The following MEIOC variants were observed in gnomAD, a reference collection of about 807,000 sequenced individuals.
MEIOC encodes meiosis specific with coiled-coil domain.
A neutral mutation model predicts 85.3 loss-of-function variants in MEIOC; 9 were observed. The observed-to-expected ratio is 0.11, with a 90% CI of 0.06 to 0.18. The LOEUF (loss-of-function observed/expected upper bound fraction) is 0.18, where lower values mean the gene tolerates loss of function less well. MEIOC is among the 10% of genes least tolerant of loss of function. MEIOC has a pLI of 1.00. For synonymous variants in MEIOC, 365 were observed against 393.7 expected (o/e 0.93, Z 0.86); for missense variants, 898 against 1,129.4 (o/e 0.80, Z 2.94).
At chr17:44,662,039 G>A (rs1434259360) in intron 2 of MEIOC, among the ~76,000 whole-genome samples, 1 of 152,142 alleles carries the variant, frequency 6.6e-6, no homozygotes, top group Non-Finnish European at 1.5e-5. Context: ...AAACCCATTT[G>A]TTTATTGTCT....
At chr17:44,659,506 A>G (rs1971816797) in intron 2 of MEIOC, among the ~76,000 whole-genome samples, 1 of 152,256 alleles carries the variant, frequency 6.6e-6, no homozygotes, top group South Asian at 2.1e-4. Flanking sequence ...TATTTCAAGT[A>G]TGATTGTTTG....
In MEIOC at chr17:44,656,512, G is replaced by A; in HGVS notation, c.-102G>A. The A allele has an allele frequency of 2.0e-6, 2 of 1,002,670 alleles. No individual in the cohort carries two copies. The highest frequency in any genetic ancestry group is 5.4e-5 in the South Asian group (2 of 37,120). The allele number at this position is 1,002,670 out of a possible 1,614,324, so 62.1% of individuals were successfully genotyped here. A position where few individuals can be genotyped will look rare whatever the true frequency, so the allele number is the denominator to read the frequency against. Reference sequence around the variant, plus strand: ...CCCGGGCGGCGGAGGCGGCTGCGGAGACGGCGGGGTGCGGGCTGAGGGAGC... The same window carrying A: ...CCCGGGCGGCGGAGGCGGCTGCGGAAACGGCGGGGTGCGGGCTGAGGGAGC... On this transcript the variant is annotated 5_prime_UTR_variant, in exon 1 of 8. Coordinates refer to ENST00000409122, the MANE Select transcript of MEIOC (RefSeq NM_001145080.3).
intron 2 of MEIOC, among the ~76,000 whole-genome samples, chr17:44,657,899 T>G (rs1327568483): frequency 6.6e-6 from 1 of 151,982 alleles, no homozygotes; most frequent in Non-Finnish European, 1.5e-5. Flanking sequence ...TTGCCCAGGC[T>G]GGAGTGCAGT....
chr17:44,665,811 A>C (rs1379160771), intron 4 of MEIOC, among the ~76,000 whole-genome samples: 5 of 152,178 alleles, frequency 3.3e-5, no homozygotes. Flanking sequence ...CAAAGAATAA[A>C]ACTCATTACT....
intron 2 of MEIOC, among the ~76,000 whole-genome samples, chr17:44,658,514 G>A (rs1971799724): frequency 6.6e-6 from 1 of 151,388 alleles, no homozygotes; most frequent in African/African-American, 2.4e-5. Flanking sequence ...TAAGTTAAGG[G>A]CCGGGCGCCA....
Position 44,674,280 on chromosome 17 carries a change from T to G in MEIOC, c.*84T>G. 2 of 1,459,104 alleles carry G rather than the reference T, an allele frequency of 1.4e-6. No individual in the cohort carries two copies. Among genetic ancestry groups the G allele is most frequent in the Admixed American group, 5.2e-5 (2 of 38,160 alleles). The allele number at this position is 1,459,104 out of a possible 1,614,324, so 90.4% of individuals were successfully genotyped here. A position where few individuals can be genotyped will look rare whatever the true frequency, so the allele number is the denominator to read the frequency against. ...ATGTTTTAATGAACTTGTCAAACTTTCAGTATGTTTTCTTTCAGATTTAAA... is the reference window on the plus strand; with the variant it reads ...ATGTTTTAATGAACTTGTCAAACTTGCAGTATGTTTTCTTTCAGATTTAAA... On this transcript the variant is annotated 3_prime_UTR_variant, in exon 8 of 8. Transcript: ENST00000409122.
At position 44,667,424 on chromosome 17, in the gene MEIOC, A is replaced by G. The variant is rs766033557; in HGVS notation, c.1513A>G (p.Ser505Gly). 6.2e-7 allele frequency: 1 copy of G among 1,613,822 alleles called. No individual in the cohort carries two copies. The highest frequency in any genetic ancestry group is 1.7e-5 in the Admixed American group (1 of 59,998). ...GNLMKLNSHL[S>G]AASKGSNHSS... Reference sequence around the variant, plus strand: ...CTTGATGAAATTAAATAGTCATTTAAGTGCAGCTTCAAAAGGTTCTAACCA... The same window carrying G: ...CTTGATGAAATTAAATAGTCATTTAGGTGCAGCTTCAAAAGGTTCTAACCA... The change falls in exon 5 of 8, where the codon AGT (serine) becomes GGT (glycine). Residue 505 changes from serine to glycine, a missense_variant. Ser to Gly is a moderately conservative substitution (Grantham distance 56). Around this residue, in one of 2 missense-constraint regions of MEIOC, gnomAD observed 734 missense variants for 860.1 expected, o/e 0.85. Coordinates refer to ENST00000409122, the MANE Select transcript of MEIOC (RefSeq NM_001145080.3).
At chr17:44,656,711 G>A (rs1971761050) in intron 1 of MEIOC, 29 bp downstream of exon 1, 1 of 1,473,950 alleles carries the variant, frequency 6.8e-7, no homozygotes, top group Non-Finnish European at 9.0e-7. Context: ...CAGGGTCCAG[G>A]GGGCGGCCAG....
intron 6 of MEIOC, among the ~76,000 whole-genome samples, chr17:44,672,004 G>A (rs1972019989): frequency 6.6e-6 from 1 of 152,012 alleles, no homozygotes; most frequent in Non-Finnish European, 1.5e-5. Context: ...CACCTGTGCA[G>A]ACTTTTCTCT....
intron 7 of MEIOC, 47 bp downstream of exon 7, chr17:44,673,593 T>C (rs1972038735): frequency 1.4e-6 from 2 of 1,387,576 alleles, no homozygotes; most frequent in Admixed American, 5.6e-5. Flanking sequence ...TGTGATAATT[T>C]AGGTATTGAT....
intron 3 of MEIOC, 75 bp downstream of exon 3, chr17:44,662,546 T>G (rs1385502948): frequency 9.6e-7 from 1 of 1,045,378 alleles, no homozygotes; most frequent in Non-Finnish European, 1.4e-6. Flanking sequence ...TTATTTGCTC[T>G]CTGTTCCCTA....
In MEIOC at chr17:44,667,557, G is replaced by A; in HGVS notation, c.1646G>A (p.Ser549Asn). The A allele has an allele frequency of 8.1e-6, 13 of 1,613,828 alleles. No homozygotes were observed. Among genetic ancestry groups the A allele is most frequent in the Non-Finnish European group, 1.1e-5 (13 of 1,179,848 alleles). ...NPSAFSSFDF[S>N]YSGAERIQSV... ...TCAGCATTTTCTAGTTTTGATTTTA[G>A]TTACAGTGGTGCAGAAAGAATCCAA... The change falls in exon 5 of 8, where the codon AGT becomes AAT. Residue 549 changes from serine (S) to asparagine (N), a missense_variant. Ser to Asn is a conservative substitution (Grantham distance 46). Coordinates refer to ENST00000409122, the MANE Select transcript of MEIOC (RefSeq NM_001145080.3).
downstream of MEIOC, among the ~76,000 whole-genome samples, chr17:44,676,555 G>A (rs1429351789): frequency 6.6e-6 from 1 of 152,120 alleles, no homozygotes; most frequent in Non-Finnish European, 1.5e-5. Flanking sequence ...GGTGCCGGTG[G>A]ATCACGCCTG....
intron 6 of MEIOC, among the ~76,000 whole-genome samples, chr17:44,672,029 G>A (rs972707859): frequency 7.2e-5 from 11 of 151,798 alleles, no homozygotes; most frequent in Admixed American, 6.6e-5. Context: ...TTGAGATGGA[G>A]TCTCACTCTG....
At chr17:44,659,145 C>A (rs1231816072) in intron 2 of MEIOC, among the ~76,000 whole-genome samples, 1 of 152,002 alleles carries the variant, frequency 6.6e-6, no homozygotes, top group Non-Finnish European at 1.5e-5. Context: ...ACCAGGACAT[C>A]AATGTTGATA....
intron 4 of MEIOC, 49 bp downstream of exon 4, chr17:44,665,537 C>T (rs1346736274): frequency 3.4e-6 from 3 of 872,728 alleles, no homozygotes; most frequent in South Asian, 2.7e-5. Context: ...AACTAACATA[C>T]ACTAGTTTAC....
Position 44,665,402 on chromosome 17 carries a change from T to C in MEIOC, c.378T>C (p.Asn126=), listed in dbSNP as rs2144664791. The change falls in exon 4 of 8, where the codon AAT becomes AAC. Residue 126 remains asparagine, a synonymous_variant. Transcript: ENST00000409122. ...SIKNRIQTER[N]DYGSETDLYG... is the part of the protein sequence containing the mutation. Reference sequence around the variant, plus strand: ...TTTTTAGGATTCAAACAGAAAGAAATGACTATGGCAGTGAAACAGACTTAT... The same window carrying C: ...TTTTTAGGATTCAAACAGAAAGAAACGACTATGGCAGTGAAACAGACTTAT... The C allele has an allele frequency of 1.3e-6, 2 of 1,538,818 alleles. No homozygotes were observed. The highest frequency in any genetic ancestry group is 1.8e-6 in the Non-Finnish European group (2 of 1,140,064).
chr17:44,664,357 A>G (rs1971879018), intron 3 of MEIOC, among the ~76,000 whole-genome samples: 1 of 152,076 alleles, frequency 6.6e-6, no homozygotes. Flanking sequence ...GCGAGACTCC[A>G]TCTCAAAAAT....
chr17:44,656,684 T>C lies in MEIOC; in HGVS notation c.69+2T>C. ...GGCCTGAGGGAGGAAGGACTTGAGG[T>C]AATGGATGAGGAAGGGCAGGGTCCA... On this transcript the variant is annotated splice_donor_variant, in intron 1 of 7. Coordinates refer to ENST00000409122, the MANE Select transcript of MEIOC (RefSeq NM_001145080.3). LOFTEE classifies it high-confidence loss of function. 6.7e-7 allele frequency: 1 copy of C among 1,487,884 alleles called. No individual in the cohort carries two copies. Among genetic ancestry groups the C allele is most frequent in the Non-Finnish European group, 8.9e-7 (1 of 1,119,506 alleles). 92.2% of individuals were successfully genotyped at this position (1,487,884 alleles called of 1,614,324 possible).
Sources: allele counts gnomAD v4.1 joint callset (sites outside exome capture counted in the v4.1 genomes callset), GRCh38; gene constraint gnomAD v4.1.1; regional missense constraint gnomAD v4.1.1; transcripts MANE v1.5; gene names NCBI Gene and HGNC (gene_info 2026-07-23, HGNC 2026-07-21).